The following ANTXR1 variants were observed in gnomAD, a reference collection of about 807,000 sequenced individuals.
ANTXR1 encodes the protein ANTXR cell adhesion molecule 1, also known as anthrax toxin receptor 1.
A neutral mutation model predicts 78.1 loss-of-function variants in ANTXR1; 19 were observed. That is an observed-to-expected ratio of 0.24 (90% CI 0.17 to 0.36). The LOEUF (loss-of-function observed/expected upper bound fraction) is 0.36, where lower values mean the gene tolerates loss of function less well. ANTXR1 is among the 10% of genes least tolerant of loss of function. The pLI is 1.00. For missense variants in ANTXR1, 518 were observed against 718.6 expected, an observed-to-expected ratio of 0.72 and a Z score of 3.19; for synonymous variants, 273 against 260.5, an observed-to-expected ratio of 1.05 and a Z score of -0.46.
Position 69,184,934 on chromosome 2 carries a change from C to T in ANTXR1, c.1353+2274C>T, listed in dbSNP as rs535595110. ...CCTCCAAAAGCACACTGGCTCTCAG[C>T]ATTCGCCCATCTTTTCCTATCAAGT... On this transcript the variant is annotated intron_variant, in intron 16 of 17. Coordinates refer to ENST00000303714, the MANE Select transcript of ANTXR1 (RefSeq NM_032208.3). Among the ~76,000 whole-genome samples, 5 of 152,304 alleles carry T rather than the reference C, an allele frequency of 3.3e-5. No homozygotes were observed. The East Asian group carries it at 9.6e-4, about 29-fold the overall frequency.
intron 11 of ANTXR1, among the ~76,000 whole-genome samples, chr2:69,124,312 C>T (rs1008912148): frequency 2.6e-5 from 4 of 152,228 alleles, no homozygotes; most frequent in Admixed American, 1.3e-4. Context: ...GCCGGAACGT[C>T]TGAATGCACT....
chr2:69,146,452 C>T (rs1018595193), intron 12 of ANTXR1: 7 of 883,682 alleles, frequency 7.9e-6, no homozygotes, highest in African/African-American at 1.8e-5. Flanking sequence ...TAAGACTCCA[C>T]GTGTGGCTGT....
rs1300674499 is a variant in ANTXR1 at position 69,246,223 on chromosome 2, A to G, written c.*738A>G. On this transcript the variant is annotated 3_prime_UTR_variant, in exon 18 of 18. Transcript: ENST00000303714. ...GGGCGTATTCATGGGAGCATCAGCC[A>G]GTTTCTAAAACCCACAGGCCATCAG... is the stretch of plus-strand genomic sequence containing the variant. 2.0e-5 allele frequency: 3 copies of G among 152,454 alleles called. No individual in the cohort carries two copies. The highest frequency in any genetic ancestry group is 1.9e-4 in the East Asian group (1 of 5,182). 9.4% of individuals were successfully genotyped at this position (152,454 alleles called of 1,614,324 possible).
intron 1 of ANTXR1, among the ~76,000 whole-genome samples, chr2:69,026,524 T>C (rs1294485137): frequency 6.6e-6 from 1 of 152,222 alleles, no homozygotes; most frequent in Non-Finnish European, 1.5e-5. Context: ...GTCATAATTA[T>C]TCATCTTTAT....
chr2:69,087,945 G>C (rs1671106486), intron 8 of ANTXR1, among the ~76,000 whole-genome samples: 1 of 152,144 alleles, frequency 6.6e-6, no homozygotes, highest in African/African-American at 2.4e-5. Context: ...ATGAGTAGGA[G>C]CCCCAGTCCC....
chr2:69,172,546 A>G (rs1674017972), intron 14 of ANTXR1: 4 of 1,392,306 alleles, frequency 2.9e-6, no homozygotes, highest in Non-Finnish European at 3.7e-6. Context: ...ATAAATAGCT[A>G]TATGAAATCA....
intron 14 of ANTXR1, among the ~76,000 whole-genome samples, chr2:69,173,168 A>C (rs1269892475): frequency 6.6e-6 from 1 of 152,212 alleles, no homozygotes; most frequent in Non-Finnish European, 1.5e-5. Context: ...CACCACCCTC[A>C]TGGGCTTTCG....
intron 8 of ANTXR1, among the ~76,000 whole-genome samples, chr2:69,081,272 A>T (rs565433111): frequency 1.3e-5 from 2 of 152,332 alleles, no homozygotes; most frequent in South Asian, 4.1e-4. Context: ...TGCTCTTTTC[A>T]TGACATTTGG....
intron 1 of ANTXR1, among the ~76,000 whole-genome samples, chr2:69,014,904 G>A (rs942949155): frequency 5.9e-5 from 9 of 152,074 alleles, no homozygotes; most frequent in Admixed American, 1.3e-4. Flanking sequence ...ATGAGAAGGT[G>A]GATACTGAAA....
chr2:69,127,111 C>T (rs1171440799), intron 12 of ANTXR1, among the ~76,000 whole-genome samples: 1 of 152,044 alleles, frequency 6.6e-6, no homozygotes, highest in Non-Finnish European at 1.5e-5. Context: ...GAAGGGAAGA[C>T]AATGAGTTAT....
intron 17 of ANTXR1, among the ~76,000 whole-genome samples, chr2:69,245,010 T>C (rs1371502290): frequency 1.3e-5 from 2 of 152,130 alleles, no homozygotes; most frequent in Non-Finnish European, 2.9e-5. Context: ...AGAGTTAGAC[T>C]CCAGGAAAAG....
At chr2:69,037,193 C>T (rs969297186) in intron 1 of ANTXR1, among the ~76,000 whole-genome samples, 1 of 152,212 alleles carries the variant, frequency 6.6e-6, no homozygotes, top group African/African-American at 2.4e-5. Flanking sequence ...TTATCCAAGC[C>T]AAGGCAGAAT....
intron 3 of ANTXR1, among the ~76,000 whole-genome samples, chr2:69,068,066 C>T (rs1383850247): frequency 6.6e-6 from 1 of 152,154 alleles, no homozygotes; most frequent in Non-Finnish European, 1.5e-5. Context: ...TTCCATATGG[C>T]CAAGGGAAGC....
At chr2:69,114,116 G>C (rs1396912121) in intron 10 of ANTXR1, among the ~76,000 whole-genome samples, 1 of 152,144 alleles carries the variant, frequency 6.6e-6, no homozygotes, top group Non-Finnish European at 1.5e-5. Context: ...TCTCAATTAT[G>C]TTAAAAGTAA....
chr2:69,244,422 G>A (rs1393461231), intron 17 of ANTXR1, among the ~76,000 whole-genome samples: 1 of 152,180 alleles, frequency 6.6e-6, no homozygotes, highest in Non-Finnish European at 1.5e-5. Context: ...TGTAGAAGAG[G>A]GATTCCCACA....
At chr2:69,210,311 TTTG>T (rs1455980286) in intron 17 of ANTXR1, among the ~76,000 whole-genome samples, 1 of 152,272 alleles carries the variant, frequency 6.6e-6, no homozygotes, top group Non-Finnish European at 1.5e-5. Context: ...TTTGTTTTGC[TTTG>T]TTAATTCATT....
intron 9 of ANTXR1, 124 bp from the exon 10 acceptor site, chr2:69,102,718 C>T: frequency 9.3e-7 from 1 of 1,078,270 alleles, no homozygotes. Flanking sequence ...TGGTGTTCAA[C>T]CTAAATTAAT....
intron 1 of ANTXR1, among the ~76,000 whole-genome samples, chr2:69,020,966 A>G (rs1480998261): frequency 6.6e-6 from 1 of 152,226 alleles, no homozygotes; most frequent in African/African-American, 2.4e-5. Context: ...AACAGGAAGA[A>G]GTCCCAGGCT....
chr2:69,160,828 A>T (rs1673661755), intron 13 of ANTXR1, among the ~76,000 whole-genome samples: 2 of 152,198 alleles, frequency 1.3e-5, no homozygotes, highest in South Asian at 4.1e-4. Context: ...GTACTCTCCC[A>T]AACACTTATT....
Sources: allele counts gnomAD v4.1 joint callset (sites outside exome capture counted in the v4.1 genomes callset), GRCh38; gene constraint gnomAD v4.1.1; transcripts MANE v1.5; gene names NCBI Gene and HGNC (gene_info 2026-07-23, HGNC 2026-07-21).